SOS1: variants seen among roughly 807,000 people sequenced by gnomAD.
SOS1 encodes the protein son of sevenless homolog 1.
Under a neutral mutation model 157.6 loss-of-function variants are expected in SOS1, and 25 were observed. That is an observed-to-expected ratio of 0.16 (90% CI 0.12 to 0.22). SOS1 has a LOEUF of 0.22. SOS1 is among the 10% of genes least tolerant of loss of function. The pLI is 1.00. For synonymous variants in SOS1, 528 were observed against 534.0 expected (o/e 0.99, Z 0.16); for missense variants, 1,237 against 1,599.1 (o/e 0.77, Z 3.86).
In SOS1 at chr2:39,019,206, T is replaced by G. The variant is rs973829545; in HGVS notation, c.1858+3364A>C. Among the ~76,000 whole-genome samples the G allele has an allele frequency of 8.6e-5, 13 of 151,910 alleles. No individual in the cohort carries two copies. In the South Asian group the frequency reaches 2.5e-3, roughly 29 times the overall value. On this transcript the variant is annotated intron_variant, in intron 10 of 22. Transcript: ENST00000402219. ...TCCCTCACTTCAATATGCAAAGCTT[T>G]TATTTCCCATAAAATGTCAATTCTG... is the stretch of plus-strand genomic sequence containing the variant.
chr2:39,024,719 G>A (rs1669902148), intron 8 of SOS1, among the ~76,000 whole-genome samples: 1 of 152,112 alleles, frequency 6.6e-6, no homozygotes, highest in Non-Finnish European at 1.5e-5. Flanking sequence ...CTTATAAAAA[G>A]CCTACCCTGC....
chr2:39,082,190 C>T (rs1049873790), intron 1 of SOS1, among the ~76,000 whole-genome samples: 41 of 152,258 alleles, frequency 2.7e-4, no homozygotes, highest in African/African-American at 7.9e-4. Flanking sequence ...CCCACATCCC[C>T]GCTACAAAAC....
chr2:39,053,435 T>G (rs1671091774), intron 5 of SOS1, among the ~76,000 whole-genome samples: 1 of 152,206 alleles, frequency 6.6e-6, no homozygotes, highest in South Asian at 2.1e-4. Context: ...AACCTTTGCC[T>G]CTTCTTTACT....
chr2:39,084,290 AAAG>A (rs1449780123), intron 1 of SOS1, among the ~76,000 whole-genome samples: 6 of 152,198 alleles, frequency 3.9e-5, no homozygotes, highest in Non-Finnish European at 7.3e-5. Context: ...TTAAGTGAAA[AAAG>A]AAGGTATTCT....
intron 1 of SOS1, among the ~76,000 whole-genome samples, chr2:39,078,104 A>G (rs1672077716): frequency 6.6e-6 from 1 of 152,204 alleles, no homozygotes; most frequent in African/African-American, 2.4e-5. Flanking sequence ...AAAATGGGCA[A>G]AAGTCATGTA....
chr2:39,033,459 T>G (rs1279582477), intron 8 of SOS1, among the ~76,000 whole-genome samples: 1 of 152,182 alleles, frequency 6.6e-6, no homozygotes, highest in Non-Finnish European at 1.5e-5. Context: ...ATTTCTTTTA[T>G]ATTATTAAGA....
At chr2:39,105,040 A>T (rs950306182) in intron 1 of SOS1, among the ~76,000 whole-genome samples, 1 of 152,214 alleles carries the variant, frequency 6.6e-6, no homozygotes, top group Non-Finnish European at 1.5e-5. Flanking sequence ...AAAAAAAATC[A>T]AAGAAAAAGT....
At chr2:39,108,548 C>CTCAT (rs561273713) in intron 1 of SOS1, among the ~76,000 whole-genome samples, 41 of 152,266 alleles carry the variant, frequency 2.7e-4, no homozygotes, top group South Asian at 6.2e-4. Context: ...TTTCCATTCA[C>CTCAT]TCATTCATTC....
upstream of SOS1, among the ~76,000 whole-genome samples, chr2:39,123,779 A>G (rs530700968): frequency 6.6e-6 from 1 of 152,256 alleles, no homozygotes. Flanking sequence ...TGCATGCAGG[A>G]AAGTTCCAGG....
chr2:39,051,110 G>A, intron 6 of SOS1, 34 bp downstream of exon 6: 1 of 1,604,690 alleles, frequency 6.2e-7, no homozygotes, highest in Non-Finnish European at 8.5e-7. Flanking sequence ...AGGCTTTTAT[G>A]CAGACTTTTC....
At chr2:39,027,475 T>C (rs750245055) in intron 8 of SOS1, among the ~76,000 whole-genome samples, 4 of 152,234 alleles carry the variant, frequency 2.6e-5, no homozygotes, top group Admixed American at 1.3e-4. Context: ...GTGTAATAAA[T>C]GACCTTTCTT....
chr2:39,120,408 C>G lies in SOS1; in HGVS notation c.15G>C (p.Gln5His). ...CTTCGCTGAAAAACTCGTAGGGCAG[C>G]TGCTGCGCCTGCATGGTGCCCCCGG... is the stretch of plus-strand genomic sequence containing the variant. MQAQ[Q>H]LPYEFFSEEN... The change falls in exon 1 of 23, where the codon CAG (glutamine) becomes CAC (histidine). Residue 5 changes from glutamine (Q) to histidine (H), a missense_variant. By Grantham distance (24) the Gln-to-His change is conservative (BLOSUM62 0). Around this residue, in one of 15 missense-constraint regions of SOS1, gnomAD observed 99 missense variants for 81.6 expected, o/e 1.21. Coordinates refer to ENST00000402219, the MANE Select transcript of SOS1 (RefSeq NM_005633.4). 1 of 1,593,792 alleles carries G rather than the reference C, an allele frequency of 6.3e-7. No individual in the cohort carries two copies. The highest frequency in any genetic ancestry group is 8.5e-7 in the Non-Finnish European group (1 of 1,171,962).
rs4015841 is a variant in SOS1 at position 39,064,742 on chromosome 2, A to ATTTTTTT, written c.213+2879_213+2885dup. ...TCAGATTGATCTATTTTTAAAATAC[A>ATTTTTTT]TTTTTTTTTTTTTTTTTTTTTTTGG... On this transcript the variant is annotated intron_variant, in intron 2 of 22. Coordinates refer to ENST00000402219, the MANE Select transcript of SOS1 (RefSeq NM_005633.4). Among the ~76,000 whole-genome samples the ATTTTTTT allele has an allele frequency of 2.6e-3, 191 of 74,814 alleles. 14 individuals are homozygous for ATTTTTTT. Among genetic ancestry groups the ATTTTTTT allele is most frequent in the Admixed American group, 3.9e-3 (17 of 4,356 alleles). 49.1% of individuals were successfully genotyped at this position (74,814 alleles called of 152,430 possible).
At chr2:38,986,579 C>T (rs565419583) in intron 22 of SOS1, among the ~76,000 whole-genome samples, 1 of 151,988 alleles carries the variant, frequency 6.6e-6, no homozygotes, top group East Asian at 1.9e-4. Context: ...GATCCCCCGA[C>T]CTCAGCATCC....
intron 1 of SOS1, among the ~76,000 whole-genome samples, chr2:39,081,771 G>T (rs993766527): frequency 1.3e-5 from 2 of 151,650 alleles, no homozygotes; most frequent in Non-Finnish European, 2.9e-5. Flanking sequence ...GTTGCAATTA[G>T]CATCAGTGCA....
chr2:39,091,895 A>G (rs186038957), intron 1 of SOS1, among the ~76,000 whole-genome samples: 136 of 152,252 alleles, frequency 8.9e-4, no homozygotes, highest in African/African-American at 3.2e-3. Context: ...GTTTACTCCA[A>G]TGGACACAAC....
Position 39,025,975 on chromosome 2 carries a change from TATTC to T in SOS1, c.1075-1842_1075-1839del, listed in dbSNP as rs550762250. 4.8e-3 allele frequency among the ~76,000 whole-genome samples: 729 copies of T among 152,330 alleles called. 10 individuals are homozygous for T. The highest frequency in any genetic ancestry group is 0.016 in the African/African-American group (684 of 41,576). ...TAGCTTTTATTATCCAGATTTCTTA[TATTC>T]ATTATTAAAAACTCACCATACTTTC... On this transcript the variant is annotated intron_variant, in intron 8 of 22. Transcript: ENST00000402219.
At position 38,995,399 on chromosome 2, in the gene SOS1, T is replaced by C. The variant is rs771781850; in HGVS notation, c.3082-12A>G. On this transcript the variant is annotated splice_polypyrimidine_tract_variant and intron_variant, in intron 19 of 22. Transcript: ENST00000402219. Reference sequence around the variant, plus strand: ...CTATATTTTTTTGGCTGTAGACATATCAAAAGAAACACAATACTTTAAACA... The same window carrying C: ...CTATATTTTTTTGGCTGTAGACATACCAAAAGAAACACAATACTTTAAACA... The C allele has an allele frequency of 1.2e-6, 2 of 1,609,856 alleles. No homozygotes were observed. Among genetic ancestry groups the C allele is most frequent in the East Asian group, 4.5e-5 (2 of 44,854 alleles).
chr2:39,087,050 G>A (rs1410581770), intron 1 of SOS1, among the ~76,000 whole-genome samples: 8 of 152,086 alleles, frequency 5.3e-5, no homozygotes, highest in African/African-American at 1.7e-4. Flanking sequence ...CTAACCTCAG[G>A]TGATCCACCC....
Sources: gnomAD v4.1 joint callset for allele counts (sites outside exome capture counted in the v4.1 genomes callset) on GRCh38, gnomAD v4.1.1 for gene constraint, gnomAD v4.1.1 regional missense constraint, MANE v1.5 for transcripts, NCBI Gene and HGNC (gene_info 2026-07-23, HGNC 2026-07-21) for gene names.